FAM174A: variants seen among roughly 807,000 people sequenced by gnomAD.
FAM174A encodes the protein family with sequence similarity 174 member A.
Under a neutral mutation model 14.3 loss-of-function variants are expected in FAM174A, and 14 were observed. That is an observed-to-expected ratio of 0.98 (90% CI 0.65 to 1.53). The LOEUF (loss-of-function observed/expected upper bound fraction) is 1.53. Among genes scored for constraint, FAM174A ranks in the 40% most tolerant of loss-of-function variants. The probability of loss-of-function intolerance (pLI) is 0.00; values close to 1 mark genes in which losing one functional copy is unlikely to be tolerated. For synonymous variants in FAM174A, 108 were observed against 111.4 expected (o/e 0.97, Z 0.19); for missense variants, 241 against 249.6 (o/e 0.97, Z 0.23).
At chr5:100,572,998 G>A (rs1261914267) in intron 2 of FAM174A, among the ~76,000 whole-genome samples, 2 of 152,146 alleles carry the variant, frequency 1.3e-5, no homozygotes, top group African/African-American at 4.8e-5. Flanking sequence ...TTCTCTGATG[G>A]CCAGTGATGA....
At position 100,581,402 on chromosome 5, in the gene FAM174A, T is replaced by C. The variant is rs1457715359; in HGVS notation, c.570-4779T>C. Reference sequence around the variant, plus strand: ...TGAGGGATAGCAACATGGATTTCACTGAGTAGGTGGCAATTGAGTTAAAGT... The same window carrying C: ...TGAGGGATAGCAACATGGATTTCACCGAGTAGGTGGCAATTGAGTTAAAGT... On this transcript the variant is annotated intron_variant, in intron 2 of 2. Coordinates refer to ENST00000312637, the MANE Select transcript of FAM174A (RefSeq NM_198507.3). 8 of 984,584 alleles carry C rather than the reference T, an allele frequency of 8.1e-6. No individual in the cohort carries two copies. In the African/African-American group the frequency reaches 1.0e-4, roughly 13 times the overall value. The allele number at this position is 984,584 out of a possible 1,614,324, so 61.0% of individuals were successfully genotyped here.
chr5:100,566,111 T>C (rs2112389789), intron 2 of FAM174A, among the ~76,000 whole-genome samples: 1 of 136,132 alleles, frequency 7.3e-6, no homozygotes, highest in East Asian at 2.2e-4. Flanking sequence ...AGCCAAACCA[T>C]ATCAACAGAT....
chr5:100,573,921 G>A (rs553787401), intron 2 of FAM174A, among the ~76,000 whole-genome samples: 255 of 151,662 alleles, frequency 1.7e-3, no homozygotes, highest in African/African-American at 4.1e-3. Flanking sequence ...AAATAACACC[G>A]CATATCTACA....
At chr5:100,556,870 C>T (rs373722271) in intron 1 of FAM174A, among the ~76,000 whole-genome samples, 1 of 152,150 alleles carries the variant, frequency 6.6e-6, no homozygotes, top group Non-Finnish European at 1.5e-5. Flanking sequence ...TCTAGATATA[C>T]AATCATGTCA....
intron 1 of FAM174A, among the ~76,000 whole-genome samples, chr5:100,537,167 A>G (rs1268854520): frequency 6.6e-6 from 1 of 152,232 alleles, no homozygotes; most frequent in Admixed American, 6.5e-5. Flanking sequence ...CCAAGTTTAT[A>G]TCTGTGCGAA....
In FAM174A at chr5:100,535,762, G is replaced by A. The variant is rs1423189708; in HGVS notation, c.232G>A (p.Gly78Ser). Residue 78 changes from glycine to serine, a missense_variant, in exon 1 of 3, where the codon GGC (glycine) becomes AGC (serine). Gly to Ser is a moderately conservative substitution (Grantham distance 56, BLOSUM62 0). Coordinates refer to ENST00000312637, the MANE Select transcript of FAM174A (RefSeq NM_198507.3). Reference sequence around the variant, plus strand: ...TCTGGCTGAAGCTGCGGGGCCGCGGGGCTCCGAGGGAGGCAATGGCAGCAA... The same window carrying A: ...TCTGGCTGAAGCTGCGGGGCCGCGGAGCTCCGAGGGAGGCAATGGCAGCAA... The part of the protein sequence containing the change: ...RGLAEAAGPR[G>S]SEGGNGSNPV... 6.2e-7 allele frequency: 1 copy of A among 1,604,722 alleles called. No individual in the cohort carries two copies. The highest frequency in any genetic ancestry group is 8.5e-7 in the Non-Finnish European group (1 of 1,178,008).
intron 2 of FAM174A, among the ~76,000 whole-genome samples, chr5:100,565,668 T>C (rs1746627968): frequency 3.3e-5 from 5 of 151,724 alleles, no homozygotes. Context: ...CATTATTACA[T>C]AGAGAGATCT....
chr5:100,583,266 G>GGAGGCAGGCACACTTGGTGTAA (rs1366096230), intron 2 of FAM174A, among the ~76,000 whole-genome samples: 3 of 152,122 alleles, frequency 2.0e-5, no homozygotes, highest in African/African-American at 7.2e-5. Flanking sequence ...AGGTGGAAGG[G>GGAGGCAGGCACACTTGGTGTAA]GAGGCAGGCA....
At chr5:100,575,347 A>T (rs1233727257) in intron 2 of FAM174A, among the ~76,000 whole-genome samples, 1 of 152,004 alleles carries the variant, frequency 6.6e-6, no homozygotes, top group African/African-American at 2.4e-5. Flanking sequence ...GGTGTGCTGC[A>T]CCCATTAACT....
chr5:100,535,375 G>C lies in FAM174A; in HGVS notation c.-156G>C, dbSNP rs2112358097. 1.3e-6 allele frequency: 1 copy of C among 748,394 alleles called. No individual in the cohort carries two copies. Among genetic ancestry groups the C allele is most frequent in the Non-Finnish European group, 2.2e-6 (1 of 457,818 alleles). 46.4% of individuals were successfully genotyped at this position (748,394 alleles called of 1,614,324 possible). A position where few individuals can be genotyped will look rare whatever the true frequency, so the allele number is the denominator to read the frequency against. ...GTACGAACTTCCGGTTCTCCGGGCA[G>C]CTGCCACTGCTGTAGCTTCTGCCAC... On this transcript the variant is annotated 5_prime_UTR_variant, in exon 1 of 3. Coordinates refer to ENST00000312637, the MANE Select transcript of FAM174A (RefSeq NM_198507.3).
intron 2 of FAM174A, among the ~76,000 whole-genome samples, chr5:100,573,959 GT>G (rs1197424263): frequency 4.0e-5 from 6 of 150,968 alleles, no homozygotes; most frequent in Non-Finnish European, 5.9e-5. Flanking sequence ...AAACCTGAGG[GT>G]TTTTTTTTCT....
At chr5:100,537,158 C>T (rs1745956818) in intron 1 of FAM174A, among the ~76,000 whole-genome samples, 1 of 152,074 alleles carries the variant, frequency 6.6e-6, no homozygotes, top group African/African-American at 2.4e-5. Context: ...CTTTCCATTC[C>T]AAGTTTATAT....
intron 2 of FAM174A, among the ~76,000 whole-genome samples, chr5:100,566,961 A>G (rs145088248): frequency 7.2e-5 from 11 of 151,990 alleles, no homozygotes; most frequent in African/African-American, 2.4e-4. Context: ...AAGTAGTTAG[A>G]TGGTGCAAAT....
chr5:100,581,023 G>T (rs1747000504), intron 2 of FAM174A, among the ~76,000 whole-genome samples: 1 of 152,122 alleles, frequency 6.6e-6, no homozygotes, highest in African/African-American at 2.4e-5. Flanking sequence ...CTGCCTCCCG[G>T]GTTCAAGCGA....
intron 1 of FAM174A, 68 bp from the exon 2 acceptor site, chr5:100,561,986 T>G (rs1399981910): frequency 2.2e-6 from 2 of 889,070 alleles, no homozygotes; most frequent in African/African-American, 3.6e-5. Flanking sequence ...TAATAATTTA[T>G]TTTATAAATA....
intron 2 of FAM174A, among the ~76,000 whole-genome samples, chr5:100,575,423 C>G (rs1746882066): frequency 6.6e-6 from 1 of 151,934 alleles, no homozygotes; most frequent in Non-Finnish European, 1.5e-5. Flanking sequence ...CATAACAGGC[C>G]CCAGTGTGTG....
At chr5:100,556,557 A>C (rs1216091872) in intron 1 of FAM174A, among the ~76,000 whole-genome samples, 1 of 152,094 alleles carries the variant, frequency 6.6e-6, no homozygotes, top group African/African-American at 2.4e-5. Flanking sequence ...CACGATATTG[A>C]TTCTTCCTAC....
chr5:100,580,880 G>A (rs528582094), intron 2 of FAM174A, among the ~76,000 whole-genome samples: 2 of 152,146 alleles, frequency 1.3e-5, no homozygotes, highest in South Asian at 2.1e-4. Flanking sequence ...AGATTATACC[G>A]TGTACTCCTG....
At position 100,586,404 on chromosome 5, in the gene FAM174A, A is replaced by G. The variant is rs1747126895; in HGVS notation, c.*220A>G. 2 of 302,914 alleles carry G rather than the reference A, an allele frequency of 6.6e-6. No homozygotes were observed. Among genetic ancestry groups the G allele is most frequent in the Admixed American group, 1.0e-4 (2 of 19,420 alleles). 18.8% of individuals were successfully genotyped at this position (302,914 alleles called of 1,614,324 possible). ...TAATGGGCTCAGAGATGTTGGGGAT[A>G]AAGTATACTGTAATAATTTATCTGT... On this transcript the variant is annotated 3_prime_UTR_variant, in exon 3 of 3. Coordinates refer to ENST00000312637, the MANE Select transcript of FAM174A (RefSeq NM_198507.3).
Sources: allele counts gnomAD v4.1 joint callset (sites outside exome capture counted in the v4.1 genomes callset), GRCh38; gene constraint gnomAD v4.1.1; transcripts MANE v1.5; gene names NCBI Gene and HGNC (gene_info 2026-07-23, HGNC 2026-07-21).